FCHO2: variants seen among roughly 807,000 people sequenced by gnomAD.
FCHO2 encodes FCH and mu domain containing endocytic adaptor 2, also known as F-BAR domain only protein 2.
FCHO2 carries 43 observed loss-of-function variants against 114.1 expected under a neutral mutation model. The observed-to-expected ratio is 0.38, with a 90% CI of 0.30 to 0.49. FCHO2 has a LOEUF of 0.49. Among genes scored for constraint, FCHO2 ranks in the 20% least tolerant of loss-of-function variants. The pLI is 0.97. For missense variants in FCHO2, 807 were observed against 950.4 expected (o/e 0.85, Z 1.98); for synonymous variants, 293 against 315.2 (o/e 0.93, Z 0.75).
At chr5:73,007,558 T>C (rs1754784666) in intron 6 of FCHO2, among the ~76,000 whole-genome samples, 1 of 152,232 alleles carries the variant, frequency 6.6e-6, no homozygotes, top group Non-Finnish European at 1.5e-5. Flanking sequence ...ACTCTATGTC[T>C]TCATTATGTC....
At chr5:73,021,005 C>T (rs1329846535) in intron 8 of FCHO2, 23 of 1,537,018 alleles carry the variant, frequency 1.5e-5, no homozygotes, top group Non-Finnish European at 2.0e-5. Context: ...TCATTATCCT[C>T]AATGGGGTGG....
intron 19 of FCHO2, among the ~76,000 whole-genome samples, chr5:73,073,001 C>T (rs1742731991): frequency 6.6e-6 from 1 of 151,888 alleles, no homozygotes; most frequent in African/African-American, 2.4e-5. Flanking sequence ...TTGTTTAGAA[C>T]AATATATTAG....
intron 17 of FCHO2, among the ~76,000 whole-genome samples, chr5:73,059,060 T>G (rs1757729231): frequency 6.6e-6 from 1 of 152,326 alleles, no homozygotes; most frequent in East Asian, 1.9e-4. Context: ...TGATAAATGT[T>G]TTTTAGTTGT....
At chr5:72,979,638 G>T (rs1226845968) in intron 2 of FCHO2, among the ~76,000 whole-genome samples, 1 of 151,706 alleles carries the variant, frequency 6.6e-6, no homozygotes, top group African/African-American at 2.4e-5. Context: ...TGATCCGCCC[G>T]CCTCGGCCTC....
chr5:72,973,514 T>C (rs1752683791), intron 2 of FCHO2, among the ~76,000 whole-genome samples: 1 of 152,142 alleles, frequency 6.6e-6, no homozygotes, highest in Non-Finnish European at 1.5e-5. Flanking sequence ...TATTCTCTGA[T>C]GGTAGTTTGT....
chr5:73,042,348 A>C lies in FCHO2; in HGVS notation c.939+1033A>C, dbSNP rs115909861. Reference sequence around the variant, plus strand: ...TGGCATTAACTTTAGTACTCATTTTATTTCTGCATTATTTTTATGCATTTT... The same window carrying C: ...TGGCATTAACTTTAGTACTCATTTTCTTTCTGCATTATTTTTATGCATTTT... On this transcript the variant is annotated intron_variant, in intron 11 of 25. Transcript: ENST00000430046. Among the ~76,000 whole-genome samples the C allele has an allele frequency of 5.6e-3, 854 of 152,248 alleles. 14 individuals carry two copies. Among genetic ancestry groups the C allele is most frequent in the African/African-American group, 0.02 (819 of 41,578 alleles).
intron 24 of FCHO2, among the ~76,000 whole-genome samples, chr5:73,086,215 G>C (rs1388347740): frequency 6.6e-6 from 1 of 152,198 alleles, no homozygotes; most frequent in Non-Finnish European, 1.5e-5. Flanking sequence ...ATATTTCTAA[G>C]GTGATTGTCA....
chr5:72,971,836 C>T (rs1346370951), intron 2 of FCHO2, among the ~76,000 whole-genome samples: 4 of 152,076 alleles, frequency 2.6e-5, no homozygotes, highest in African/African-American at 4.8e-5. Context: ...GGTTTTAGGT[C>T]GAACATTTAA....
At position 73,067,107 on chromosome 5, in the gene FCHO2, A is replaced by G. The variant is rs76508573; in HGVS notation, c.1450-1543A>G. Among the ~76,000 whole-genome samples the G allele has an allele frequency of 3.3e-3, 507 of 152,176 alleles. 2 individuals are homozygous for G. The highest frequency in any genetic ancestry group is 0.011 in the African/African-American group (477 of 41,550). On this transcript the variant is annotated intron_variant, in intron 18 of 25. Transcript: ENST00000430046. ...CAAAATTTGCTCTGTATGTTGTAGC[A>G]CATCTCAATTTGGACTAGTCACATT...
chr5:72,982,826 AT>A (rs36075860), intron 2 of FCHO2, among the ~76,000 whole-genome samples: 3,683 of 107,994 alleles, frequency 0.034, 97 homozygotes, highest in African/African-American at 0.11. Flanking sequence ...GTCTGGATTC[AT>A]TTTTTTTTTT....
chr5:73,058,440 AC>A lies in FCHO2; in HGVS notation c.1263del (p.Ser422ValfsTer22). 6.4e-7 allele frequency: 1 copy of A among 1,555,986 alleles called. No homozygotes were observed. Among genetic ancestry groups the A allele is most frequent in the South Asian group, 1.2e-5 (1 of 81,254 alleles). On this transcript the variant is annotated frameshift_variant, in exon 17 of 26. Coordinates refer to ENST00000430046, the MANE Select transcript of FCHO2 (RefSeq NM_138782.3). LOFTEE classifies it high-confidence loss of function. ...KPSAPPNEKGTSDLLAWDPLF... is the reference protein window; with the variant it reads ...KPSAPPNEKGXSDLLAWDPLF... ...TTAAAAATATTATGGTAGAAAAGGAACCAGTGATTTACTTGCTTGGGACCCC... is the reference window on the plus strand; with the variant it reads ...TTAAAAATATTATGGTAGAAAAGGAACAGTGATTTACTTGCTTGGGACCCC...
At chr5:72,979,818 A>G (rs186084484) in intron 2 of FCHO2, among the ~76,000 whole-genome samples, 49 of 152,038 alleles carry the variant, frequency 3.2e-4, no homozygotes, top group African/African-American at 1.1e-3. Context: ...TATTGTGTCT[A>G]TTTGATTCTT....
intron 19 of FCHO2, among the ~76,000 whole-genome samples, chr5:73,072,025 A>G (rs1742680921): frequency 6.6e-6 from 1 of 151,808 alleles, no homozygotes; most frequent in Non-Finnish European, 1.5e-5. Context: ...GAGTTACTCA[A>G]GAGACATTTT....
intron 5 of FCHO2, among the ~76,000 whole-genome samples, chr5:73,003,862 G>A (rs1009634987): frequency 6.6e-6 from 1 of 151,602 alleles, no homozygotes; most frequent in Admixed American, 6.6e-5. Flanking sequence ...TGGCCAACAT[G>A]GTGAGTGAGA....
At chr5:73,006,177 TG>T (rs1252461679) in intron 5 of FCHO2, among the ~76,000 whole-genome samples, 3 of 152,160 alleles carry the variant, frequency 2.0e-5, no homozygotes, top group Non-Finnish European at 4.4e-5. Flanking sequence ...AATCTTAGTC[TG>T]GGATTTAAAA....
intron 5 of FCHO2, 24 bp from the exon 6 acceptor site, chr5:73,006,421 G>T: frequency 7.1e-7 from 1 of 1,414,110 alleles, no homozygotes; most frequent in South Asian, 1.6e-5. Flanking sequence ...ACAGTTAAAA[G>T]TTTTTTATTT....
At chr5:73,058,176 TA>T (rs869139159) in intron 16 of FCHO2, among the ~76,000 whole-genome samples, 9 of 151,996 alleles carry the variant, frequency 5.9e-5, no homozygotes, top group South Asian at 2.1e-4. Flanking sequence ...CAGGCTAATT[TA>T]AAAAAATTTT....
intron 5 of FCHO2, among the ~76,000 whole-genome samples, chr5:73,003,365 C>T (rs562902646): frequency 1.3e-5 from 2 of 152,006 alleles, no homozygotes; most frequent in South Asian, 4.1e-4. Flanking sequence ...TTTGTAGAGA[C>T]AGGGTCTCAC....
At position 73,031,469 on chromosome 5, in the gene FCHO2, G is replaced by T. The variant is rs564051370; in HGVS notation, c.797-3188G>T. Among the ~76,000 whole-genome samples the T allele has an allele frequency of 1.5e-4, 23 of 152,262 alleles. No homozygotes were observed. The East Asian group carries it at 4.2e-3, about 28-fold the overall frequency. On this transcript the variant is annotated intron_variant, in intron 8 of 25. Transcript: ENST00000430046. Reference sequence around the variant, plus strand: ...ATTTAGGATTGATTCCGAAGCAACAGGGATTATTAATTAAATATTTCACAT... The same window carrying T: ...ATTTAGGATTGATTCCGAAGCAACATGGATTATTAATTAAATATTTCACAT...
Sources: gnomAD v4.1 joint callset for allele counts (sites outside exome capture counted in the v4.1 genomes callset) on GRCh38, gnomAD v4.1.1 for gene constraint, MANE v1.5 for transcripts, NCBI Gene and HGNC (gene_info 2026-07-23, HGNC 2026-07-21) for gene names.